The following ITGA5 variants were observed in gnomAD, a reference collection of about 807,000 sequenced individuals.
The protein encoded by ITGA5 is integrin subunit alpha 5.
Under a neutral mutation model 146.3 loss-of-function variants are expected in ITGA5, and 55 were observed. The observed-to-expected ratio is 0.38, with a 90% confidence interval of 0.30 to 0.47. The LOEUF (loss-of-function observed/expected upper bound fraction) is 0.47, where lower values mean the gene tolerates loss of function less well. ITGA5 is among the 20% of genes least tolerant of loss of function. The pLI, the probability that ITGA5 is intolerant of heterozygous loss-of-function variation, is 0.99. For missense variants in ITGA5, 1,131 were observed against 1,329.0 expected, an observed-to-expected ratio of 0.85 and a Z score of 2.32; for synonymous variants, 500 against 531.8, an observed-to-expected ratio of 0.94 and a Z score of 0.82.
chr12:54,403,168 C>T lies in ITGA5; in HGVS notation c.1914+19G>A. 1 of 1,572,700 alleles carries T rather than the reference C, an allele frequency of 6.4e-7. No individual in the cohort carries two copies. Among genetic ancestry groups the T allele is most frequent in the Non-Finnish European group, 8.6e-7 (1 of 1,160,650 alleles). ...AGGCCTCTGTCTTCCCAGGTCCCTTCTCCCTGCCCTGTCCTCACCTTGTCC... is the reference window on the plus strand; with the variant it reads ...AGGCCTCTGTCTTCCCAGGTCCCTTTTCCCTGCCCTGTCCTCACCTTGTCC... On this transcript the variant is annotated intron_variant, in intron 18 of 29. Coordinates refer to ENST00000293379, the MANE Select transcript of ITGA5 (RefSeq NM_002205.5). The surrounding 1 kb of genome is among the most constrained non-coding windows in gnomAD (Gnocchi z 4.9).
chr12:54,400,462 T>A (rs141933070), intron 25 of ITGA5: 163 of 206,208 alleles, frequency 7.9e-4, no homozygotes, highest in African/African-American at 3.7e-3. Flanking sequence ...CAGTTCTGTT[T>A]GGTGCAATAT....
At chr12:54,411,517 G>T (rs1038945771) in intron 2 of ITGA5, among the ~76,000 whole-genome samples, 2 of 152,158 alleles carry the variant, frequency 1.3e-5, no homozygotes, top group Non-Finnish European at 2.9e-5. Flanking sequence ...TTAGTTAAAG[G>T]AACTGAATAG....
At chr12:54,405,090 C>G in intron 12 of ITGA5, 76 bp downstream of exon 12, 2 of 1,361,486 alleles carry the variant, frequency 1.5e-6, no homozygotes, top group South Asian at 2.8e-5. Context: ...TCTTAGCTGA[C>G]AGATGCCCTC....
rs1474681081 is a variant in ITGA5 at position 54,409,064 on chromosome 12, C to G, written c.584-110G>C. On this transcript the variant is annotated intron_variant, in intron 4 of 29. Coordinates refer to ENST00000293379, the MANE Select transcript of ITGA5 (RefSeq NM_002205.5). The surrounding 1 kb of genome is among the most constrained non-coding windows in gnomAD (Gnocchi z 4.7). ...AGAGAGAACCAGAGAAAGGGCCTTC[C>G]TGGACCAGACAGTAAGCATAAAGGC... is the stretch of plus-strand genomic sequence containing the variant. 10 of 1,411,262 alleles carry G rather than the reference C, an allele frequency of 7.1e-6. No individual in the cohort carries two copies. The allele number at this position is 1,411,262 out of a possible 1,614,324, so 87.4% of individuals were successfully genotyped here.
intron 13 of ITGA5, 101 bp from the exon 14 acceptor site, chr12:54,404,576 A>G: frequency 6.6e-7 from 1 of 1,507,734 alleles, no homozygotes; most frequent in Non-Finnish European, 9.2e-7. Context: ...TTGAAGTGAG[A>G]AGACAGCGCC....
intron 1 of ITGA5, 140 bp downstream of exon 1, chr12:54,418,841 C>G (rs1956041743): frequency 1.9e-6 from 2 of 1,042,160 alleles, no homozygotes; most frequent in Admixed American, 6.0e-5. Flanking sequence ...CCAACTCTAG[C>G]CAGGGCCCCC....
intron 12 of ITGA5, 63 bp from the exon 13 acceptor site, chr12:54,404,957 AC>A: frequency 5.8e-6 from 8 of 1,369,178 alleles, no homozygotes; most frequent in Non-Finnish European, 7.9e-6. Context: ...AATCTCTACT[AC>A]CAGACCCCAG....
chr12:54,412,203 T>C, intron 1 of ITGA5: 1 of 423,784 alleles, frequency 2.4e-6, no homozygotes, highest in Admixed American at 4.4e-5. Flanking sequence ...TTCTCTGTCC[T>C]CTCCTACCTT....
Position 54,404,911 on chromosome 12 carries a change from A to T in ITGA5, c.1226-17T>A. The T allele has an allele frequency of 6.5e-7, 1 of 1,539,086 alleles. No individual in the cohort carries two copies. Among genetic ancestry groups the T allele is most frequent in the Admixed American group, 2.1e-5 (1 of 46,770 alleles). On this transcript the variant is annotated splice_polypyrimidine_tract_variant and intron_variant, in intron 12 of 29. Coordinates refer to ENST00000293379, the MANE Select transcript of ITGA5 (RefSeq NM_002205.5). ...TGGCCACATCTGGAAGACACAGAAC[A>T]CACACTAGTCAGCAGGCCAGGAATC... is the stretch of plus-strand genomic sequence containing the variant.
At chr12:54,411,732 G>A (rs1478781663) in intron 2 of ITGA5, 102 bp downstream of exon 2, 5 of 1,031,950 alleles carry the variant, frequency 4.8e-6, no homozygotes, top group Admixed American at 7.1e-5. Flanking sequence ...TCACGTGGCC[G>A]GGGTTCCAGC....
intron 27 of ITGA5, 144 bp downstream of exon 27, chr12:54,399,501 G>T (rs981934153): frequency 4.6e-6 from 3 of 649,992 alleles, no homozygotes; most frequent in Non-Finnish European, 8.4e-6. Context: ...CATACAGCCT[G>T]GTCTAGACAA....
At chr12:54,402,131 C>A in intron 20 of ITGA5, 38 bp from the exon 21 acceptor site, 2 of 1,613,832 alleles carry the variant, frequency 1.2e-6, no homozygotes, top group Non-Finnish European at 1.7e-6. Context: ...TTTTGGTGTC[C>A]CCTCTAGAGG....
chr12:54,408,985 C>G lies in ITGA5; in HGVS notation c.584-31G>C, dbSNP rs769911461. 5 of 1,606,994 alleles carry G rather than the reference C, an allele frequency of 3.1e-6. No homozygotes were observed. In the African/African-American group the frequency reaches 5.3e-5, roughly 17 times the overall value. ...AGGGGAGAAGGTGGTGAAAATGAGC[C>G]CTGCATAGATGGGTCATCCAGGAAA... On this transcript the variant is annotated intron_variant, in intron 4 of 29. Transcript: ENST00000293379.
In ITGA5 at chr12:54,411,968, TG is replaced by T; in HGVS notation, c.219-5del. The T allele has an allele frequency of 2.5e-6, 4 of 1,579,072 alleles. No homozygotes were observed. Among genetic ancestry groups the T allele is most frequent in the Admixed American group, 1.8e-5 (1 of 54,430 alleles). ...TGCTCCCACCAGCACACTGACCCTG[TG>T]GGGGGGAAAAGCGAGGCAGTTGAGG... On this transcript the variant is annotated splice_region_variant and splice_polypyrimidine_tract_variant and intron_variant, in intron 1 of 29. Coordinates refer to ENST00000293379, the MANE Select transcript of ITGA5 (RefSeq NM_002205.5).
Position 54,409,262 on chromosome 12 carries a change from G to C in ITGA5, c.553C>G (p.Arg185Gly). Residue 185 changes from arginine to glycine, a missense_variant, in exon 4 of 30, where the codon CGA becomes GGA. Physicochemically the swap from Arg to Gly is moderately radical, Grantham distance 125 (BLOSUM62 -2). This residue lies in a region of ITGA5 where 67 missense variants were observed against 128.2 expected (regional missense o/e 0.52). Transcript: ENST00000293379. This position sits in a 1 kb window ranked among gnomAD's most constrained non-coding sequence, Gnocchi z 4.7. Reference sequence around the variant, plus strand: ...CGGCAGGGTGCATACTCCAGAATTCGGGTGAAGTTATCTGTGGAGAGGTAG... The same window carrying C: ...CGGCAGGGTGCATACTCCAGAATTCCGGTGAAGTTATCTGTGGAGAGGTAG... ...TCYLSTDNFT[R>G]ILEYAPCRSD... 1 of 1,613,884 alleles carries C rather than the reference G, an allele frequency of 6.2e-7. No individual in the cohort carries two copies. Among genetic ancestry groups the C allele is most frequent in the East Asian group, 2.2e-5 (1 of 44,884 alleles).
At chr12:54,406,098 T>C in intron 9 of ITGA5, 172 bp from the exon 10 acceptor site, 1 of 633,904 alleles carries the variant, frequency 1.6e-6, no homozygotes. Flanking sequence ...GCCAGGTAGT[T>C]CCACCCTATG....
chr12:54,417,424 G>A (rs935692805), intron 1 of ITGA5, among the ~76,000 whole-genome samples: 1 of 145,516 alleles, frequency 6.9e-6, no homozygotes, highest in South Asian at 2.4e-4. Context: ...ACCAGGCCTG[G>A]CAGAGGCTCC....
rs551904745 is a variant in ITGA5 at position 54,403,430 on chromosome 12, G to A, written c.1777-106C>T. 5 of 1,370,714 alleles carry A rather than the reference G, an allele frequency of 3.6e-6. No homozygotes were observed. Among genetic ancestry groups the A allele is most frequent in the South Asian group, 3.0e-5 (2 of 66,898 alleles). 84.9% of individuals were successfully genotyped at this position (1,370,714 alleles called of 1,614,324 possible). On this transcript the variant is annotated intron_variant, in intron 17 of 29. Transcript: ENST00000293379. This position sits in a 1 kb window ranked among gnomAD's most constrained non-coding sequence, Gnocchi z 4.9. ...CTTTGTCTGCTTAGGGCCCAATTCC[G>A]ACCATCCTCATTGTTTCAGAGGCCC... is the stretch of plus-strand genomic sequence containing the variant.
intron 25 of ITGA5, chr12:54,400,618 G>T: frequency 9.9e-6 from 5 of 506,594 alleles, no homozygotes; most frequent in Non-Finnish European, 1.8e-5. Flanking sequence ...GGCCCTAGGG[G>T]TATGCCGGGA....
Sources: allele counts gnomAD v4.1 joint callset (sites outside exome capture counted in the v4.1 genomes callset), GRCh38; gene constraint gnomAD v4.1.1; regional missense constraint gnomAD v4.1.1; non-coding constraint Gnocchi (gnomAD v3.1); transcripts MANE v1.5; gene names NCBI Gene and HGNC (gene_info 2026-07-23, HGNC 2026-07-21).